FHIT: variants seen among roughly 807,000 people sequenced by gnomAD.
The protein encoded by FHIT is bis(5'-adenosyl)-triphosphatase.
FHIT carries 19 observed loss-of-function variants against 17.9 expected under a neutral mutation model. The observed-to-expected ratio is 1.06, with a 90% CI of 0.74 to 1.56. The LOEUF is 1.56. FHIT is among the 40% of genes most tolerant of loss of function. FHIT has a pLI of 0.00. For synonymous variants in FHIT, 81 were observed against 69.7 expected (o/e 1.16, Z -0.81); for missense variants, 248 against 189.2 (o/e 1.31, Z -1.82).
intron 5 of FHIT, among the ~76,000 whole-genome samples, chr3:60,215,866 T>C (rs942576838): frequency 2.0e-5 from 3 of 152,290 alleles, no homozygotes; most frequent in Non-Finnish European, 4.4e-5. Context: ...TTAAAGACTT[T>C]ACACTTAAGA....
At chr3:61,131,920 C>A (rs930659142) in intron 2 of FHIT, among the ~76,000 whole-genome samples, 2 of 152,064 alleles carry the variant, frequency 1.3e-5, no homozygotes, top group Non-Finnish European at 2.9e-5. Context: ...CTAAAATAGC[C>A]CCAGAAAACT....
chr3:60,035,681 C>G (rs1370719894), intron 5 of FHIT, among the ~76,000 whole-genome samples: 1 of 152,148 alleles, frequency 6.6e-6, no homozygotes, highest in Non-Finnish European at 1.5e-5. Context: ...CACCATTAGC[C>G]CAAAGTCCAG....
intron 5 of FHIT, among the ~76,000 whole-genome samples, chr3:60,229,793 A>T (rs1348864444): frequency 6.6e-6 from 1 of 152,166 alleles, no homozygotes; most frequent in Non-Finnish European, 1.5e-5. Flanking sequence ...TGGCCTGGGA[A>T]ATAAAGCAAG....
At chr3:60,403,178 A>G (rs867659630) in intron 5 of FHIT, among the ~76,000 whole-genome samples, 1 of 152,342 alleles carries the variant, frequency 6.6e-6, no homozygotes, top group South Asian at 2.1e-4. Flanking sequence ...CATTGAAATA[A>G]CCTGTGTGAG....
intron 1 of FHIT, among the ~76,000 whole-genome samples, chr3:61,214,827 TC>T (rs1242046231): frequency 6.6e-6 from 1 of 152,210 alleles, no homozygotes; most frequent in African/African-American, 2.4e-5. Flanking sequence ...GTGGGCTTCA[TC>T]CCTGGGATGC....
At chr3:59,770,555 G>C (rs918113608) in intron 8 of FHIT, among the ~76,000 whole-genome samples, 45 of 152,300 alleles carry the variant, frequency 3.0e-4, no homozygotes, top group African/African-American at 9.9e-4. Context: ...TGGACACACT[G>C]AACAGATTCT....
At chr3:60,025,832 C>A (rs1009031750) in intron 5 of FHIT, among the ~76,000 whole-genome samples, 3 of 151,456 alleles carry the variant, frequency 2.0e-5, no homozygotes, top group African/African-American at 7.3e-5. Flanking sequence ...GTCACTGTGG[C>A]AGCTTCCAGA....
At chr3:61,163,924 G>T (rs1191250531) in intron 2 of FHIT, among the ~76,000 whole-genome samples, 1 of 152,054 alleles carries the variant, frequency 6.6e-6, no homozygotes, top group Non-Finnish European at 1.5e-5. Flanking sequence ...ACCTGGCAAT[G>T]GAAAAGAAAA....
In FHIT at chr3:60,117,718, G is replaced by C. The variant is rs201701758; in HGVS notation, c.104-103566C>G. ...GAACAGACGCGCAGAGAATGCAGAT[G>C]AGCTGATTCCATTAAAAAGTTGGCT... On this transcript the variant is annotated intron_variant, in intron 5 of 9. Coordinates refer to ENST00000492590, the MANE Select transcript of FHIT (RefSeq NM_002012.4). Among the ~76,000 whole-genome samples, 8 of 152,182 alleles carry C rather than the reference G, an allele frequency of 5.3e-5. No individual in the cohort carries two copies. The East Asian group carries it at 1.4e-3, about 26-fold the overall frequency.
intron 3 of FHIT, among the ~76,000 whole-genome samples, chr3:60,923,303 T>C (rs1707384609): frequency 6.6e-6 from 1 of 152,214 alleles, no homozygotes; most frequent in African/African-American, 2.4e-5. Flanking sequence ...TCCCTGCCTC[T>C]GCTACTTGCT....
chr3:60,439,144 A>T (rs1294044502), intron 5 of FHIT, among the ~76,000 whole-genome samples: 1 of 152,098 alleles, frequency 6.6e-6, no homozygotes, highest in Non-Finnish European at 1.5e-5. Context: ...GCAGGCATCC[A>T]AGTTTTTACT....
At chr3:60,186,232 T>G (rs1702151650) in intron 5 of FHIT, among the ~76,000 whole-genome samples, 1 of 152,186 alleles carries the variant, frequency 6.6e-6, no homozygotes, top group Non-Finnish European at 1.5e-5. Flanking sequence ...AGATCCCAGA[T>G]TTTTTTCTAG....
intron 4 of FHIT, among the ~76,000 whole-genome samples, chr3:60,663,461 A>G (rs1036928166): frequency 1.7e-4 from 26 of 151,904 alleles, no homozygotes; most frequent in Admixed American, 5.3e-4. Flanking sequence ...CTGAGACGGA[A>G]TTTCACTCTT....
At chr3:60,291,077 T>C (rs1707961953) in intron 5 of FHIT, among the ~76,000 whole-genome samples, 1 of 152,180 alleles carries the variant, frequency 6.6e-6, no homozygotes. Context: ...TCAGGTTCAT[T>C]GTCTCACAGC....
intron 8 of FHIT, among the ~76,000 whole-genome samples, chr3:59,876,787 G>A (rs913750556): frequency 3.3e-5 from 5 of 152,246 alleles, no homozygotes; most frequent in East Asian, 3.9e-4. Flanking sequence ...CCTCACTAAC[G>A]TAACTCCAAT....
intron 2 of FHIT, among the ~76,000 whole-genome samples, chr3:61,048,148 T>C (rs2033884627): frequency 6.6e-6 from 1 of 152,136 alleles, no homozygotes; most frequent in East Asian, 1.9e-4. Flanking sequence ...ACTCAAGAGC[T>C]TCTGCACAGC....
chr3:60,782,189 T>C (rs9849413), intron 4 of FHIT, among the ~76,000 whole-genome samples: 57,272 of 150,318 alleles, frequency 0.38, 11,639 homozygotes, highest in African/African-American at 0.44. Context: ...TGGCAAAATT[T>C]CCTCATTTTT....
At chr3:60,782,231 G>GTATATATATATATA (rs1349004246) in intron 4 of FHIT, among the ~76,000 whole-genome samples, 5 of 89,958 alleles carry the variant, frequency 5.6e-5, no homozygotes, top group African/African-American at 3.3e-4. Context: ...GTGTGTGTGT[G>GTATATATATATATA]TGTGTGTATA....
chr3:60,763,230 T>G (rs1180141034), intron 4 of FHIT, among the ~76,000 whole-genome samples: 1 of 152,118 alleles, frequency 6.6e-6, no homozygotes, highest in Non-Finnish European at 1.5e-5. Flanking sequence ...ATCGAAATGA[T>G]AGGGATCATT....
Sources: allele counts gnomAD v4.1 joint callset (sites outside exome capture counted in the v4.1 genomes callset), GRCh38; gene constraint gnomAD v4.1.1; transcripts MANE v1.5; gene names NCBI Gene and HGNC (gene_info 2026-07-23, HGNC 2026-07-21).